GLI2: variants seen among roughly 807,000 people sequenced by gnomAD.
The protein encoded by GLI2 is transcription activator GLI2.
GLI2 carries 22 observed loss-of-function variants against 78.9 expected under a neutral mutation model. That is an observed-to-expected ratio of 0.28 (90% CI 0.20 to 0.40). GLI2 has a LOEUF of 0.40. GLI2 is among the 10% of genes least tolerant of loss of function. GLI2 has a pLI of 1.00. For synonymous variants in GLI2, 974 were observed against 963.7 expected (o/e 1.01, Z -0.20); for missense variants, 2,097 against 2,213.2 (o/e 0.95, Z 1.05).
In GLI2 at chr2:120,737,630, G is replaced by A. The variant is rs1183405991; in HGVS notation, c.-31+1345G>A. Among the ~76,000 whole-genome samples the A allele has an allele frequency of 6.6e-6, 1 of 152,042 alleles. No homozygotes were observed. The highest frequency in any genetic ancestry group is 1.9e-4 in the East Asian group (1 of 5,148). On this transcript the variant is annotated intron_variant, in intron 1 of 13. Coordinates refer to ENST00000361492, the MANE Select transcript of GLI2 (RefSeq NM_001374353.1). This position sits in a 1 kb window ranked among gnomAD's most constrained non-coding sequence, Gnocchi z 4.3. Reference sequence around the variant, plus strand: ...GCTCGGTGGCCGCAGCGGTGTCCCGGGCCCCCTCTCCGCCGCTCTTGCCGG... The same window carrying A: ...GCTCGGTGGCCGCAGCGGTGTCCCGAGCCCCCTCTCCGCCGCTCTTGCCGG...
chr2:120,844,150 T>G (rs1687008761), intron 2 of GLI2, among the ~76,000 whole-genome samples: 1 of 152,174 alleles, frequency 6.6e-6, no homozygotes, highest in Non-Finnish European at 1.5e-5. Context: ...TCAGCACACG[T>G]GTCTGTTAAG....
chr2:120,812,155 C>T lies in GLI2; in HGVS notation c.148+14687C>T, dbSNP rs757989119. Among the ~76,000 whole-genome samples, 8 of 152,152 alleles carry T rather than the reference C, an allele frequency of 5.3e-5. No homozygotes were observed. The South Asian group carries it at 6.2e-4, about 12-fold the overall frequency. ...TCTCTCTCAAATGTGCTGGTTAGGG[C>T]GCAATAGAAAACCACTTCCTCTGCT... is the stretch of plus-strand genomic sequence containing the variant. On this transcript the variant is annotated intron_variant, in intron 2 of 13. Transcript: ENST00000361492.
rs780303555 is a variant in GLI2, at chr2:120,988,952, C to T, written c.2987C>T (p.Pro996Leu). 14 of 1,537,480 alleles carry T rather than the reference C, an allele frequency of 9.1e-6. No individual in the cohort carries two copies. Among genetic ancestry groups the T allele is most frequent in the Non-Finnish European group, 1.2e-5 (14 of 1,146,808 alleles). Residue 996 changes from proline (P) to leucine (L), a missense_variant, in exon 14 of 14, where the codon CCG (proline) becomes CTG (leucine). By Grantham distance (98) the Pro-to-Leu change is moderately conservative. Coordinates refer to ENST00000361492, the MANE Select transcript of GLI2 (RefSeq NM_001374353.1). ...CGAGGCCTCCGCCTGCAGAGCCACC[C>T]GAGCACCGACGGCGGCCTGGCCCGC... Reference protein sequence around the residue: ...DRRGLRLQSHPSTDGGLARGA... With the variant: ...DRRGLRLQSHLSTDGGLARGA...
chr2:120,740,399 A>C (rs917149926), intron 1 of GLI2, among the ~76,000 whole-genome samples: 1 of 151,912 alleles, frequency 6.6e-6, no homozygotes, highest in African/African-American at 2.4e-5. Flanking sequence ...TTTAAATTGA[A>C]TAATGTTTTG....
At chr2:120,908,743 C>G (rs182698883) in intron 2 of GLI2, among the ~76,000 whole-genome samples, 271 of 152,346 alleles carry the variant, frequency 1.8e-3, no homozygotes, top group African/African-American at 6.2e-3. Context: ...GTTATGGGAA[C>G]AGCTCCCAGC....
intron 3 of GLI2, among the ~76,000 whole-genome samples, chr2:120,945,375 G>C (rs1198274812): frequency 6.6e-6 from 1 of 152,194 alleles, no homozygotes; most frequent in Non-Finnish European, 1.5e-5. Context: ...CTCATGCCCA[G>C]ACACAGAAGG....
chr2:120,743,092 C>T (rs1477680172), intron 1 of GLI2, among the ~76,000 whole-genome samples: 6 of 152,180 alleles, frequency 3.9e-5, no homozygotes, highest in Admixed American at 6.5e-5. Context: ...GGAAAGAAGA[C>T]TTACCAAGTT....
chr2:120,941,858 G>T (rs1573641260), intron 3 of GLI2, among the ~76,000 whole-genome samples: 1 of 152,304 alleles, frequency 6.6e-6, no homozygotes, highest in East Asian at 1.9e-4. Context: ...CTGTGTGCTG[G>T]GTGGATTCTG....
intron 9 of GLI2, among the ~76,000 whole-genome samples, chr2:120,977,672 C>T (rs1682520215): frequency 6.6e-6 from 1 of 152,208 alleles, no homozygotes; most frequent in Admixed American, 6.5e-5. Flanking sequence ...CAGCCTTACC[C>T]GAGATACGCG....
At chr2:120,797,519 C>G in intron 2 of GLI2, 51 bp downstream of exon 2, 1 of 1,558,558 alleles carries the variant, frequency 6.4e-7, no homozygotes, top group Non-Finnish European at 8.8e-7. Flanking sequence ...TTTTCATTAG[C>G]CCGTTAGGAT....
At chr2:120,850,318 GAACAA>G (rs1447853433) in intron 2 of GLI2, among the ~76,000 whole-genome samples, 1 of 108,186 alleles carries the variant, frequency 9.2e-6, no homozygotes, top group Admixed American at 9.7e-5. Flanking sequence ...GAACAGAACA[GAACAA>G]AACAAAACTA....
intron 1 of GLI2, among the ~76,000 whole-genome samples, chr2:120,794,080 T>C (rs892995123): frequency 6.6e-6 from 1 of 152,188 alleles, no homozygotes; most frequent in African/African-American, 2.4e-5. Context: ...GCTGTGGGAA[T>C]GCTGTGCTGA....
chr2:120,972,040 G>A lies in GLI2; in HGVS notation c.1159G>A (p.Ala387Thr), dbSNP rs745905276. 6.2e-7 allele frequency: 1 copy of A among 1,613,232 alleles called. No homozygotes were observed. Among genetic ancestry groups the A allele is most frequent in the African/African-American group, 1.3e-5 (1 of 74,954 alleles). ...VKTEPEGLRP[A>T]SPLALTQEQL... Reference sequence around the variant, plus strand: ...GACCGAGCCTGAGGGCCTGCGGCCGGCCTCCCCTCTGGCGCTGACGCAGGT... The same window carrying A: ...GACCGAGCCTGAGGGCCTGCGGCCGACCTCCCCTCTGGCGCTGACGCAGGT... Residue 387 changes from alanine (A) to threonine (T), a missense_variant, in exon 8 of 14, where the codon GCC becomes ACC. Physicochemically the swap from Ala to Thr is moderately conservative, Grantham distance 58 (BLOSUM62 0). Around this residue, in one of 5 missense-constraint regions of GLI2, gnomAD observed 578 missense variants for 612.0 expected, o/e 0.94. Transcript: ENST00000361492.
intron 2 of GLI2, among the ~76,000 whole-genome samples, chr2:120,821,178 C>A (rs904484743): frequency 6.6e-6 from 1 of 152,106 alleles, no homozygotes; most frequent in Non-Finnish European, 1.5e-5. Flanking sequence ...TTTCCTGGGG[C>A]CTCTGTACGG....
At chr2:120,755,814 C>A (rs750916760) in intron 1 of GLI2, among the ~76,000 whole-genome samples, 1 of 151,754 alleles carries the variant, frequency 6.6e-6, no homozygotes, top group Non-Finnish European at 1.5e-5. Flanking sequence ...TTGTTCCAGC[C>A]CCATTCGTTG....
intron 2 of GLI2, among the ~76,000 whole-genome samples, chr2:120,829,019 A>G (rs1448431): frequency 0.025 from 3,778 of 152,224 alleles, 155 homozygotes; most frequent in African/African-American, 0.084. Context: ...CCAAAATGAC[A>G]TGCTGTCACT....
chr2:120,979,544 A>C (rs562920363), intron 10 of GLI2, among the ~76,000 whole-genome samples: 1 of 152,218 alleles, frequency 6.6e-6, no homozygotes, highest in African/African-American at 2.4e-5. Context: ...CCAGGATCCA[A>C]TGAAATATGC....
Position 120,988,780 on chromosome 2 carries a change from G to A in GLI2, c.2815G>A (p.Ala939Thr), listed in dbSNP as rs982555104. 1.2e-5 allele frequency: 16 copies of A among 1,333,404 alleles called. No individual in the cohort carries two copies. The highest frequency in any genetic ancestry group is 3.7e-5 in the East Asian group (1 of 26,944). 82.6% of individuals were successfully genotyped at this position (1,333,404 alleles called of 1,614,324 possible). The change falls in exon 14 of 14, where the codon GCC becomes ACC. Residue 939 changes from alanine (A) to threonine (T), a missense_variant. Ala to Thr is a moderately conservative substitution (Grantham distance 58). Coordinates refer to ENST00000361492, the MANE Select transcript of GLI2 (RefSeq NM_001374353.1). ...CCACGGCCACGCGGGGGCTGCGCCC[G>A]CCTTCCCCCACGAGGCTCCAGGCGG... is the stretch of plus-strand genomic sequence containing the variant. ...YGHGHAGAAP[A>T]FPHEAPGGGA...
chr2:120,753,190 G>C (rs980520895), intron 1 of GLI2, among the ~76,000 whole-genome samples: 2 of 148,376 alleles, frequency 1.3e-5, no homozygotes, highest in African/African-American at 5.0e-5. Flanking sequence ...TCTGCCTCCT[G>C]GTTCAAGGGA....
Sources: gnomAD v4.1 joint callset for allele counts (sites outside exome capture counted in the v4.1 genomes callset) on GRCh38, gnomAD v4.1.1 for gene constraint, gnomAD v4.1.1 regional missense constraint, Gnocchi (gnomAD v3.1) non-coding constraint, MANE v1.5 for transcripts, NCBI Gene and HGNC (gene_info 2026-07-23, HGNC 2026-07-21) for gene names.